The following CHRM5 variants were observed in gnomAD, a reference collection of about 807,000 sequenced individuals.
The protein encoded by CHRM5 is cholinergic receptor muscarinic 5, also known as muscarinic acetylcholine receptor M5.
A neutral mutation model predicts 39.0 loss-of-function variants in CHRM5; 18 were observed. The ratio of observed to expected loss-of-function variants is 0.46; its 90% CI spans 0.32 to 0.68. CHRM5 has a LOEUF of 0.68. Ranked by LOEUF, CHRM5 falls within the 30% of genes least tolerant of loss-of-function variation. The pLI, the probability that CHRM5 is intolerant of heterozygous loss-of-function variation, is 0.04. For missense variants in CHRM5, 515 were observed against 651.1 expected (o/e 0.79, Z 2.28); for synonymous variants, 241 against 246.3 (o/e 0.98, Z 0.20).
chr15:34,046,035 T>C (rs781673886), intron 1 of CHRM5, among the ~76,000 whole-genome samples: 1 of 152,200 alleles, frequency 6.6e-6, no homozygotes, highest in Non-Finnish European at 1.5e-5. Flanking sequence ...ATGGGAACTG[T>C]TAAAGTTTGA....
intron 1 of CHRM5, among the ~76,000 whole-genome samples, chr15:34,013,971 C>T (rs1897752370): frequency 1.3e-5 from 2 of 152,164 alleles, no homozygotes; most frequent in Non-Finnish European, 1.5e-5. Context: ...CACATTATCC[C>T]CTGCCTTGGT....
At chr15:34,043,606 G>A (rs1208172405) in intron 1 of CHRM5, among the ~76,000 whole-genome samples, 1 of 152,154 alleles carries the variant, frequency 6.6e-6, no homozygotes, top group Non-Finnish European at 1.5e-5. Flanking sequence ...CCTGTACTCT[G>A]GTGGAGAAAA....
In CHRM5 at chr15:34,046,306, G is replaced by A. The variant is rs539072456; in HGVS notation, c.-407-234G>A. On this transcript the variant is annotated intron_variant, in intron 1 of 2. Transcript: ENST00000383263. Reference sequence around the variant, plus strand: ...TGGAAAGATCTGTCCAGCAGCCTAGGAATCAGGAAAAGTTATTCTCCCAAA... The same window carrying A: ...TGGAAAGATCTGTCCAGCAGCCTAGAAATCAGGAAAAGTTATTCTCCCAAA... 1.2e-3 allele frequency among the ~76,000 whole-genome samples: 158 copies of A among 137,160 alleles called. 1 individual carries two copies. Among genetic ancestry groups the A allele is most frequent in the Admixed American group, 1.2e-3 (16 of 13,048 alleles). 90.0% of individuals were successfully genotyped at this position (137,160 alleles called of 152,430 possible).
At chr15:33,979,164 C>T (rs187257634) in intron 1 of CHRM5, among the ~76,000 whole-genome samples, 51 of 151,380 alleles carry the variant, frequency 3.4e-4, no homozygotes, top group African/African-American at 1.3e-3. Context: ...AGAAGAGTCA[C>T]CTCGTAAACC....
rs573942541 is a variant in CHRM5, at chr15:34,044,605, T to C, written c.-407-1935T>C. On this transcript the variant is annotated intron_variant, in intron 1 of 2. Transcript: ENST00000383263. Reference sequence around the variant, plus strand: ...GAAAATGGTAATATTTTCCCAGTACTCTGGAATAACAAGACAATACTGCTC... The same window carrying C: ...GAAAATGGTAATATTTTCCCAGTACCCTGGAATAACAAGACAATACTGCTC... Among the ~76,000 whole-genome samples the C allele has an allele frequency of 3.3e-5, 5 of 152,306 alleles. No individual in the cohort carries two copies. In the South Asian group the frequency reaches 8.3e-4, roughly 25 times the overall value.
chr15:34,030,758 A>G (rs1037407757), intron 1 of CHRM5, among the ~76,000 whole-genome samples: 18 of 152,060 alleles, frequency 1.2e-4, no homozygotes, highest in Middle Eastern at 3.2e-3. Context: ...GTGGGAATAC[A>G]GGCGTGCACC....
intron 1 of CHRM5, among the ~76,000 whole-genome samples, chr15:34,006,077 C>T (rs997642591): frequency 2.6e-5 from 4 of 152,070 alleles, no homozygotes; most frequent in African/African-American, 9.7e-5. Flanking sequence ...TTTGGGAGGC[C>T]GAGGAGGGCA....
At chr15:34,004,744 A>G (rs2140634834) in intron 1 of CHRM5, among the ~76,000 whole-genome samples, 1 of 152,294 alleles carries the variant, frequency 6.6e-6, no homozygotes, top group South Asian at 2.1e-4. Flanking sequence ...TAATTGCTGA[A>G]GCTGGATGAT....
intron 1 of CHRM5, among the ~76,000 whole-genome samples, chr15:34,031,721 C>G (rs532984048): frequency 2.9e-4 from 44 of 152,142 alleles, no homozygotes; most frequent in Middle Eastern, 3.4e-3. Flanking sequence ...CAGTGTTGTT[C>G]TTCACAGGAA....
intron 1 of CHRM5, among the ~76,000 whole-genome samples, chr15:33,973,745 A>T (rs1430043411): frequency 2.6e-5 from 4 of 152,182 alleles, no homozygotes; most frequent in African/African-American, 9.7e-5. Context: ...ACGAAATTGC[A>T]TTTTTCATGG....
intron 2 of CHRM5, among the ~76,000 whole-genome samples, chr15:34,057,069 T>G (rs1363093788): frequency 6.6e-6 from 1 of 152,074 alleles, no homozygotes; most frequent in Non-Finnish European, 1.5e-5. Context: ...TATTGCCTTA[T>G]TATTTTACCC....
chr15:33,999,785 T>C (rs1897068623), intron 1 of CHRM5, among the ~76,000 whole-genome samples: 1 of 152,174 alleles, frequency 6.6e-6, no homozygotes, highest in Non-Finnish European at 1.5e-5. Context: ...TCCTAACTAG[T>C]CTACCCGCTC....
chr15:33,989,143 CACAA>C (rs1896608588), intron 1 of CHRM5, among the ~76,000 whole-genome samples: 1 of 141,808 alleles, frequency 7.1e-6, no homozygotes, highest in Non-Finnish European at 1.6e-5. Context: ...ACAAATCCCA[CACAA>C]ACACACACAA....
chr15:34,007,719 T>A (rs993623985), intron 1 of CHRM5, among the ~76,000 whole-genome samples: 1 of 152,220 alleles, frequency 6.6e-6, no homozygotes, highest in South Asian at 2.1e-4. Context: ...ACAAATTAGA[T>A]GGCTTAAAAC....
At position 34,067,186 on chromosome 15, in the gene CHRM5, G is replaced by A. The variant is rs899086760; in HGVS notation, c.*2870G>A. 6.6e-6 allele frequency: 1 copy of A among 152,210 alleles called. No homozygotes were observed. Among genetic ancestry groups the A allele is most frequent in the Non-Finnish European group, 1.5e-5 (1 of 68,036 alleles). The allele number at this position is 152,210 out of a possible 1,614,324, so 9.4% of individuals were successfully genotyped here. A position where few individuals can be genotyped will look rare whatever the true frequency, so the allele number is the denominator to read the frequency against. On this transcript the variant is annotated 3_prime_UTR_variant, in exon 3 of 3. Transcript: ENST00000383263. ...GTTTCCCCTTGGCTGTGAATTTGAT[G>A]ACTTGTCAGGGAATCTGTTTTCCAT...
intron 1 of CHRM5, among the ~76,000 whole-genome samples, chr15:33,984,392 T>C (rs992208205): frequency 6.9e-6 from 1 of 144,814 alleles, no homozygotes; most frequent in African/African-American, 2.6e-5. Context: ...CCTGTTAGAA[T>C]AGATTGATGG....
At chr15:34,053,160 CATG>C (rs1454838116) in intron 2 of CHRM5, among the ~76,000 whole-genome samples, 1 of 151,146 alleles carries the variant, frequency 6.6e-6, no homozygotes, top group Non-Finnish European at 1.5e-5. Flanking sequence ...ATTATCCAGA[CATG>C]GTGGTGGGTG....
intron 1 of CHRM5, among the ~76,000 whole-genome samples, chr15:34,040,800 C>T (rs2684943): frequency 0.48 from 72,145 of 151,718 alleles, 20,510 homozygotes; most frequent in Non-Finnish European, 0.64. Flanking sequence ...TGCCTATAGT[C>T]CCACTACTTG....
chr15:34,028,844 G>A (rs1258444814), intron 1 of CHRM5, among the ~76,000 whole-genome samples: 1 of 151,418 alleles, frequency 6.6e-6, no homozygotes, highest in African/African-American at 2.4e-5. Context: ...CACCATCATC[G>A]GCCACCACAT....
Sources: allele counts gnomAD v4.1 joint callset (sites outside exome capture counted in the v4.1 genomes callset), GRCh38; gene constraint gnomAD v4.1.1; transcripts MANE v1.5; gene names NCBI Gene and HGNC (gene_info 2026-07-23, HGNC 2026-07-21).